Variants in CACNA2D3 observed in about 807,000 individuals in gnomAD.
CACNA2D3 encodes the protein voltage-dependent calcium channel subunit alpha-2/delta-3.
A neutral mutation model predicts 160.6 loss-of-function variants in CACNA2D3; 60 were observed. That is an observed-to-expected ratio of 0.37 (90% CI 0.30 to 0.46). CACNA2D3 has a LOEUF of 0.46. Among genes scored for constraint, CACNA2D3 ranks in the 20% least tolerant of loss-of-function variants. The pLI is 1.00. For synonymous variants in CACNA2D3, 558 were observed against 492.9 expected, an observed-to-expected ratio of 1.13 and a Z score of -1.75; for missense variants, 1,205 against 1,365.0, an observed-to-expected ratio of 0.88 and a Z score of 1.85.
chr3:54,435,821 G>T (rs951678336), intron 4 of CACNA2D3, among the ~76,000 whole-genome samples: 7 of 152,254 alleles, frequency 4.6e-5, no homozygotes, highest in South Asian at 4.2e-4. Flanking sequence ...AACACTTCAA[G>T]AAGCAATTAC....
At chr3:54,611,828 G>A (rs531344836) in intron 9 of CACNA2D3, among the ~76,000 whole-genome samples, 110 of 152,228 alleles carry the variant, frequency 7.2e-4, no homozygotes, top group African/African-American at 2.4e-3. Flanking sequence ...TTCCAGAATC[G>A]CATATTGGAG....
At chr3:54,743,636 C>G (rs889507532) in intron 11 of CACNA2D3, among the ~76,000 whole-genome samples, 25 of 152,170 alleles carry the variant, frequency 1.6e-4, no homozygotes, top group Admixed American at 5.2e-4. Context: ...ATTTTCTGAT[C>G]TGTTTTTGGT....
intron 11 of CACNA2D3, among the ~76,000 whole-genome samples, chr3:54,671,111 A>G (rs1315402471): frequency 1.3e-5 from 2 of 151,978 alleles, no homozygotes; most frequent in African/African-American, 4.8e-5. Flanking sequence ...AAGAAGCAAA[A>G]ATTTGTTTTT....
intron 13 of CACNA2D3, among the ~76,000 whole-genome samples, chr3:54,792,355 C>G (rs528285371): frequency 2.0e-4 from 30 of 152,314 alleles, no homozygotes; most frequent in Non-Finnish European, 4.0e-4. Flanking sequence ...TCATGAACCA[C>G]TGGAATAGAT....
chr3:54,917,098 A>G (rs1407998168), intron 27 of CACNA2D3, among the ~76,000 whole-genome samples: 1 of 152,234 alleles, frequency 6.6e-6, no homozygotes, highest in East Asian at 1.9e-4. Flanking sequence ...TGTGAGCATC[A>G]TGAGAGAGAA....
intron 27 of CACNA2D3, among the ~76,000 whole-genome samples, chr3:54,932,593 C>T (rs969275475): frequency 1.3e-5 from 2 of 152,238 alleles, no homozygotes; most frequent in African/African-American, 4.8e-5. Context: ...GTAAATATAG[C>T]ATGCCTAGAG....
rs1424332730 is a variant in CACNA2D3, at chr3:54,283,967, C to T, written c.205-36475C>T. ...GTCCCAGCTACTCAGGAGGCTGAGGCACGGGAATTGCTTGAACACAGGAGA... is the reference window on the plus strand; with the variant it reads ...GTCCCAGCTACTCAGGAGGCTGAGGTACGGGAATTGCTTGAACACAGGAGA... On this transcript the variant is annotated intron_variant, in intron 2 of 37. Coordinates refer to ENST00000474759, the MANE Select transcript of CACNA2D3 (RefSeq NM_018398.3). Among the ~76,000 whole-genome samples the T allele has an allele frequency of 2.0e-5, 3 of 152,086 alleles. No homozygotes were observed. The East Asian group carries it at 5.8e-4, about 29-fold the overall frequency.
At chr3:54,934,610 C>G (rs1008728763) in intron 27 of CACNA2D3, among the ~76,000 whole-genome samples, 1 of 152,202 alleles carries the variant, frequency 6.6e-6, no homozygotes, top group African/African-American at 2.4e-5. Flanking sequence ...CAAAATCTTT[C>G]TTTTCAGCAT....
At chr3:54,306,766 T>G (rs1703612138) in intron 2 of CACNA2D3, among the ~76,000 whole-genome samples, 1 of 152,228 alleles carries the variant, frequency 6.6e-6, no homozygotes, top group Non-Finnish European at 1.5e-5. Context: ...GCCTGGTTGC[T>G]GCCCAGCACA....
At chr3:54,791,898 G>A (rs1422096183) in intron 13 of CACNA2D3, among the ~76,000 whole-genome samples, 1 of 152,276 alleles carries the variant, frequency 6.6e-6, no homozygotes, top group East Asian at 1.9e-4. Flanking sequence ...TTTCACATGA[G>A]CCCAGCAGCA....
At position 54,301,793 on chromosome 3, in the gene CACNA2D3, G is replaced by C. The variant is rs577988269; in HGVS notation, c.205-18649G>C. Among the ~76,000 whole-genome samples the C allele has an allele frequency of 9.2e-5, 14 of 152,278 alleles. 1 individual carries two copies. The highest frequency in any genetic ancestry group is 3.1e-4 in the African/African-American group (13 of 41,550). ...ATTTCTCTGGGAGGGAGGAGGAAGAGAGTAGATGATTCCCTTGAAACTATG... is the reference window on the plus strand; with the variant it reads ...ATTTCTCTGGGAGGGAGGAGGAAGACAGTAGATGATTCCCTTGAAACTATG... On this transcript the variant is annotated intron_variant, in intron 2 of 37. Transcript: ENST00000474759.
chr3:54,912,906 G>A (rs937041023), intron 27 of CACNA2D3, among the ~76,000 whole-genome samples: 2 of 152,052 alleles, frequency 1.3e-5, no homozygotes, highest in Non-Finnish European at 2.9e-5. Context: ...GGGAGGTATT[G>A]TAGAAGTTAA....
chr3:54,607,320 T>C (rs1408985140), intron 9 of CACNA2D3, among the ~76,000 whole-genome samples: 1 of 152,084 alleles, frequency 6.6e-6, no homozygotes, highest in African/African-American at 2.4e-5. Flanking sequence ...CTGGTTTTTT[T>C]GTTTTGTTTT....
chr3:54,534,134 C>T (rs1312535048), intron 5 of CACNA2D3, among the ~76,000 whole-genome samples: 1 of 152,114 alleles, frequency 6.6e-6, no homozygotes, highest in African/African-American at 2.4e-5. Context: ...TCTTCTCTCG[C>T]CTGGCTGGCT....
At chr3:54,356,788 A>G (rs2107537671) in intron 3 of CACNA2D3, among the ~76,000 whole-genome samples, 1 of 152,346 alleles carries the variant, frequency 6.6e-6, no homozygotes, top group African/African-American at 2.4e-5. Flanking sequence ...AAAAATTTGC[A>G]TTCCTCCATC....
intron 3 of CACNA2D3, among the ~76,000 whole-genome samples, chr3:54,338,231 C>T (rs1416665463): frequency 2.6e-5 from 4 of 152,238 alleles, no homozygotes; most frequent in Non-Finnish European, 5.9e-5. Flanking sequence ...TGTTTTTCTC[C>T]TATGGCTTGG....
At chr3:54,139,331 C>A (rs762621955) in intron 2 of CACNA2D3, among the ~76,000 whole-genome samples, 1 of 152,272 alleles carries the variant, frequency 6.6e-6, no homozygotes, top group African/African-American at 2.4e-5. Flanking sequence ...CTGCTGTCCC[C>A]ACCTCGGGGT....
chr3:54,409,103 G>A (rs1188760848), intron 4 of CACNA2D3, among the ~76,000 whole-genome samples: 1 of 152,184 alleles, frequency 6.6e-6, no homozygotes, highest in African/African-American at 2.4e-5. Flanking sequence ...GCCCATCACA[G>A]ATACTGTGTT....
At chr3:54,312,523 A>G (rs1428517228) in intron 2 of CACNA2D3, among the ~76,000 whole-genome samples, 2 of 152,154 alleles carry the variant, frequency 1.3e-5, no homozygotes, top group Non-Finnish European at 2.9e-5. Context: ...TTTTAGATAC[A>G]CAATTCTCAC....
Sources: gnomAD v4.1 joint callset for allele counts (sites outside exome capture counted in the v4.1 genomes callset) on GRCh38, gnomAD v4.1.1 for gene constraint, MANE v1.5 for transcripts, NCBI Gene and HGNC (gene_info 2026-07-23, HGNC 2026-07-21) for gene names.